The following SYTL4 variants were observed in gnomAD, a reference collection of about 807,000 sequenced individuals.
SYTL4 encodes the protein synaptotagmin like 4.
SYTL4 carries 16 observed loss-of-function variants against 52.7 expected under a neutral mutation model. That is an observed-to-expected ratio of 0.30 (90% CI 0.21 to 0.46). The LOEUF is 0.46. Among genes scored for constraint, SYTL4 ranks in the 20% least tolerant of loss-of-function variants. The probability of loss-of-function intolerance (pLI) is 1.00; values close to 1 mark genes in which losing one functional copy is unlikely to be tolerated. For synonymous variants in SYTL4, 160 were observed against 186.6 expected (o/e 0.86, Z 1.16); for missense variants, 423 against 519.9 (o/e 0.81, Z 1.81).
chrX:100,728,071 A>T (rs1415391207), intron 2 of SYTL4, among the ~76,000 whole-genome samples: 1 of 112,044 alleles, frequency 8.9e-6, no homozygotes, highest in Non-Finnish European at 1.9e-5. Context: ...ATGCAGCTGG[A>T]TGAGAGCCTC....
At position 100,679,286 on chromosome X, in the gene SYTL4, TA is replaced by T. The variant is rs753402375; in HGVS notation, c.1658+26del. ...TTAGCTCTCTTGTTCTGAAACTGGTTAATTTGGGGCTGGTCTAGGGACTCAC... is the reference window on the plus strand; with the variant it reads ...TTAGCTCTCTTGTTCTGAAACTGGTTATTTGGGGCTGGTCTAGGGACTCAC... On this transcript the variant is annotated intron_variant, in intron 18 of 19. Transcript: ENST00000372989. The T allele has an allele frequency of 1.5e-5, 17 of 1,111,474 alleles. No individual in the cohort carries two copies. The South Asian group carries it at 3.0e-4, about 19-fold the overall frequency. 91.6% of individuals were successfully genotyped at this position (1,111,474 alleles called of 1,213,427 possible).
At chrX:100,725,165 C>G (rs1179385233) in intron 2 of SYTL4, among the ~76,000 whole-genome samples, 1 of 111,231 alleles carries the variant, frequency 9.0e-6, no homozygotes, top group East Asian at 2.8e-4. Flanking sequence ...AGCAACACTT[C>G]TAGGTAAGAA....
chrX:100,690,488 C>T (rs1451738463), intron 10 of SYTL4, 75 bp downstream of exon 10: 8 of 790,293 alleles, frequency 1.0e-5, no homozygotes, highest in Non-Finnish European at 1.5e-5. Context: ...GAGGGAAAGA[C>T]GGAGGGAGAC....
rs1174607972 is a variant in SYTL4, at chrX:100,694,139, AACTTTAT to A, written c.540-2937_540-2931del. On this transcript the variant is annotated intron_variant, in intron 8 of 19. Coordinates refer to ENST00000372989, the MANE Select transcript of SYTL4 (RefSeq NM_001370165.1). ...ATTCTGAAAGTACTAACAATCACAG[AACTTTAT>A]ACTTTAAAATTGATTAAAATGATTT... Among the ~76,000 whole-genome samples the A allele has an allele frequency of 5.4e-5, 6 of 112,105 alleles. No homozygotes were observed. The East Asian group carries it at 1.7e-3, about 31-fold the overall frequency.
intron 2 of SYTL4, among the ~76,000 whole-genome samples, chrX:100,709,338 CA>C (rs753580673): frequency 0.18 from 14,369 of 80,541 alleles, 2,607 homozygotes; most frequent in African/African-American, 0.53. Context: ...ACAAAAAATA[CA>C]AAAAAAAAAA....
chrX:100,701,046 G>GA, intron 7 of SYTL4, 47 bp from the exon 8 acceptor site: 1 of 1,048,447 alleles, frequency 9.5e-7, no homozygotes, highest in South Asian at 1.9e-5. Context: ...ATGAGTAGGG[G>GA]AAAAAGGAAA....
At chrX:100,721,841 G>A (rs1293529073) in intron 2 of SYTL4, among the ~76,000 whole-genome samples, 1 of 107,170 alleles carries the variant, frequency 9.3e-6, no homozygotes, top group Admixed American at 1.0e-4. Flanking sequence ...TTTCTCTATT[G>A]CTCTGGCTGG....
At chrX:100,686,896 T>C in intron 14 of SYTL4, 115 bp from the exon 15 acceptor site, 1 of 822,164 alleles carries the variant, frequency 1.2e-6, no homozygotes, top group Non-Finnish European at 1.8e-6. Flanking sequence ...AAATGTCACC[T>C]CAAGCCCTCT....
intron 2 of SYTL4, among the ~76,000 whole-genome samples, chrX:100,720,486 C>T (rs2858173): frequency 0.4 from 44,700 of 111,005 alleles, 7,704 homozygotes; most frequent in Non-Finnish European, 0.53. Context: ...AATGCAGCAC[C>T]CCCGCAGGGA....
At chrX:100,703,871 T>G (rs1305789923) in intron 3 of SYTL4, among the ~76,000 whole-genome samples, 1 of 112,403 alleles carries the variant, frequency 8.9e-6, no homozygotes, top group African/African-American at 3.2e-5. Context: ...TATCTAAATA[T>G]TTGTATATGC....
chrX:100,702,553 A>G (rs1394295559), intron 4 of SYTL4, among the ~76,000 whole-genome samples: 2 of 112,328 alleles, frequency 1.8e-5, no homozygotes, highest in East Asian at 5.6e-4. Flanking sequence ...TCTATTCCTA[A>G]CCAGCTTCCA....
intron 2 of SYTL4, among the ~76,000 whole-genome samples, chrX:100,716,546 TAAAAAAAAAA>T (rs751442914): frequency 2.3e-5 from 1 of 43,321 alleles, no homozygotes; most frequent in African/African-American, 7.3e-5. Context: ...CTGCAAAACT[TAAAAAAAAAA>T]AAAAAAAAAA....
intron 12 of SYTL4, 120 bp from the exon 13 acceptor site, chrX:100,688,563 C>CTTTTTT: frequency 3.1e-6 from 1 of 327,608 alleles, no homozygotes; most frequent in Non-Finnish European, 4.8e-6. Context: ...ACACATACTT[C>CTTTTTT]TTTTTTTTTT....
intron 2 of SYTL4, among the ~76,000 whole-genome samples, chrX:100,718,791 T>G (rs2084278747): frequency 1.0e-5 from 1 of 97,213 alleles, no homozygotes; most frequent in Non-Finnish European, 2.1e-5. Flanking sequence ...ATTTTGTGCT[T>G]TTCACTCCTT....
chrX:100,714,765 T>G (rs2084166267), intron 2 of SYTL4, among the ~76,000 whole-genome samples: 1 of 111,648 alleles, frequency 9.0e-6, no homozygotes, highest in Non-Finnish European at 1.9e-5. Flanking sequence ...AGTAAGTGCA[T>G]CCAAACAATA....
At position 100,701,009 on chromosome X, in the gene SYTL4, A is replaced by G; in HGVS notation, c.437-10T>C. The G allele has an allele frequency of 4.3e-6, 5 of 1,174,881 alleles. No individual in the cohort carries two copies. Among genetic ancestry groups the G allele is most frequent in the Non-Finnish European group, 5.8e-6 (5 of 862,525 alleles). On this transcript the variant is annotated splice_polypyrimidine_tract_variant and intron_variant, in intron 7 of 19. Coordinates refer to ENST00000372989, the MANE Select transcript of SYTL4 (RefSeq NM_001370165.1). ...GTCTCTCTTTTACTCACTTCAAGACAAAGAAAAGTATGCCAGGGTGGTGGT... is the reference window on the plus strand; with the variant it reads ...GTCTCTCTTTTACTCACTTCAAGACGAAGAAAAGTATGCCAGGGTGGTGGT...
chrX:100,716,707 C>T (rs1446074962), intron 2 of SYTL4, among the ~76,000 whole-genome samples: 1 of 110,198 alleles, frequency 9.1e-6, no homozygotes, highest in African/African-American at 3.3e-5. Flanking sequence ...TACAACATTG[C>T]TTACAGTCAA....
chrX:100,695,957 T>C (rs1408479357), intron 8 of SYTL4, among the ~76,000 whole-genome samples: 1 of 112,026 alleles, frequency 8.9e-6, no homozygotes, highest in Non-Finnish European at 1.9e-5. Context: ...TACTCTTTAC[T>C]GCTTGGCTTC....
chrX:100,692,628 A>C (rs2083620897), intron 8 of SYTL4, among the ~76,000 whole-genome samples: 1 of 111,463 alleles, frequency 9.0e-6, no homozygotes, highest in African/African-American at 3.3e-5. Context: ...CTTACCTCAA[A>C]GAATTAGTGA....
Sources: allele counts gnomAD v4.1 joint callset (sites outside exome capture counted in the v4.1 genomes callset), GRCh38; gene constraint gnomAD v4.1.1; transcripts MANE v1.5; gene names NCBI Gene and HGNC (gene_info 2026-07-23, HGNC 2026-07-21).